Variants in NEO1 observed in about 807,000 individuals in gnomAD.
NEO1 encodes the protein neogenin.
Under a neutral mutation model 159.7 loss-of-function variants are expected in NEO1, and 63 were observed. The ratio of observed to expected loss-of-function variants is 0.39; its 90% confidence interval spans 0.32 to 0.49. NEO1 has a LOEUF of 0.49. Ranked by LOEUF, NEO1 falls within the 20% of genes least tolerant of loss-of-function variation. The pLI is 0.85. For synonymous variants in NEO1, 633 were observed against 662.0 expected, an observed-to-expected ratio of 0.96 and a Z score of 0.67; for missense variants, 1,615 against 1,831.0, an observed-to-expected ratio of 0.88 and a Z score of 2.15.
At position 73,254,835 on chromosome 15, in the gene NEO1, CT is replaced by C. The variant is rs1480342739; in HGVS notation, c.2092+7del. On this transcript the variant is annotated splice_region_variant and intron_variant, in intron 13 of 28. Transcript: ENST00000261908. ...GCTGTCTCAGCTGATTGAAGGTAAG[CT>C]ACCGTGCACAAAGGCAAAAGGTACA... 2 of 1,609,690 alleles carry C rather than the reference CT, an allele frequency of 1.2e-6. No individual in the cohort carries two copies. The highest frequency in any genetic ancestry group is 1.7e-6 in the Non-Finnish European group (2 of 1,178,540).
intron 1 of NEO1, among the ~76,000 whole-genome samples, chr15:73,084,621 A>G (rs922766216): frequency 2.6e-5 from 4 of 152,148 alleles, no homozygotes; most frequent in African/African-American, 9.7e-5. Context: ...AGGTGAAGAT[A>G]TCTCTTTGAT....
At chr15:73,214,838 G>A (rs2037785117) in intron 7 of NEO1, among the ~76,000 whole-genome samples, 1 of 151,994 alleles carries the variant, frequency 6.6e-6, no homozygotes, top group East Asian at 1.9e-4. Context: ...TTTTGAATGG[G>A]GATTGCATTG....
chr15:73,057,496 G>A (rs2067764872), intron 1 of NEO1, among the ~76,000 whole-genome samples: 1 of 152,186 alleles, frequency 6.6e-6, no homozygotes, highest in Non-Finnish European at 1.5e-5. Flanking sequence ...CAGAGGAAAT[G>A]ACTGTAGGTA....
chr15:73,133,642 A>T (rs1219442120), intron 4 of NEO1, among the ~76,000 whole-genome samples: 1 of 152,184 alleles, frequency 6.6e-6, no homozygotes, highest in African/African-American at 2.4e-5. Context: ...CTACTCAGGG[A>T]TACCTTATGC....
At chr15:73,059,368 A>G (rs2067868779) in intron 1 of NEO1, among the ~76,000 whole-genome samples, 1 of 152,226 alleles carries the variant, frequency 6.6e-6, no homozygotes, top group Admixed American at 6.5e-5. Flanking sequence ...CCTTTTTTAA[A>G]GAACCATTAG....
rs1343939976 is a variant in NEO1 at position 73,258,847 on chromosome 15, C to T, written c.2174C>T (p.Ser725Phe). 2 of 1,613,868 alleles carry T rather than the reference C, an allele frequency of 1.2e-6. No individual in the cohort carries two copies. Among genetic ancestry groups the T allele is most frequent in the Non-Finnish European group, 1.7e-6 (2 of 1,179,836 alleles). ...NGTGPATDWL[S>F]AETFESDLDE... The stretch of plus-strand genomic sequence containing the variant: ...ACAGGCCCGGCAACTGACTGGCTGT[C>T]TGCTGAAACTTTTGAAAGTGACCTA... Residue 725 changes from serine to phenylalanine, a missense_variant, in exon 14 of 29, where the codon TCT becomes TTT. Coordinates refer to ENST00000261908, the MANE Select transcript of NEO1 (RefSeq NM_002499.4).
chr15:73,295,868 C>T (rs1034130912), intron 26 of NEO1, among the ~76,000 whole-genome samples: 2 of 152,222 alleles, frequency 1.3e-5, no homozygotes, highest in Admixed American at 1.3e-4. Context: ...TGTCCAATCA[C>T]TTGGCCAGTG....
At chr15:73,197,551 A>G (rs1402681378) in intron 7 of NEO1, among the ~76,000 whole-genome samples, 1 of 152,232 alleles carries the variant, frequency 6.6e-6, no homozygotes, top group East Asian at 1.9e-4. Flanking sequence ...GATTGCAGAG[A>G]TGTTAAAATA....
intron 1 of NEO1, among the ~76,000 whole-genome samples, chr15:73,062,455 G>A (rs2068025354): frequency 6.6e-6 from 1 of 152,086 alleles, no homozygotes; most frequent in South Asian, 2.1e-4. Context: ...GCTGCTTGTG[G>A]TTCTTAACTT....
chr15:73,203,558 T>A (rs1213450772), intron 7 of NEO1, among the ~76,000 whole-genome samples: 1 of 152,154 alleles, frequency 6.6e-6, no homozygotes, highest in Admixed American at 6.5e-5. Context: ...TCTCCCTCTT[T>A]TTCTGCCTTC....
At chr15:73,212,948 A>G (rs1044480246) in intron 7 of NEO1, among the ~76,000 whole-genome samples, 2 of 152,238 alleles carry the variant, frequency 1.3e-5, no homozygotes, top group African/African-American at 4.8e-5. Context: ...ATTTATGTGT[A>G]TATAAAAGTG....
chr15:73,074,335 A>G (rs2068670823), intron 1 of NEO1, among the ~76,000 whole-genome samples: 2 of 152,172 alleles, frequency 1.3e-5, no homozygotes, highest in African/African-American at 4.8e-5. Context: ...TAGTTTATTT[A>G]TCAAGATTAG....
At chr15:73,148,758 T>C (rs890028074) in intron 5 of NEO1, among the ~76,000 whole-genome samples, 2 of 152,140 alleles carry the variant, frequency 1.3e-5, no homozygotes, top group Admixed American at 6.5e-5. Context: ...TTCTACTTTT[T>C]CCCAGTCCCT....
intron 11 of NEO1, among the ~76,000 whole-genome samples, chr15:73,252,556 G>A (rs1239122959): frequency 6.6e-6 from 1 of 152,136 alleles, no homozygotes; most frequent in Non-Finnish European, 1.5e-5. Flanking sequence ...TTCAAAACCA[G>A]CTTAGAAACT....
rs115315314 is a variant in NEO1, at chr15:73,286,228, C to T, written c.3411-2085C>T. Among the ~76,000 whole-genome samples, 1,467 of 152,286 alleles carry T rather than the reference C, an allele frequency of 9.6e-3. 31 individuals carry two copies. The highest frequency in any genetic ancestry group is 0.034 in the African/African-American group (1,399 of 41,540). Reference sequence around the variant, plus strand: ...AATCTTTATTCTGCCCCTACCACTTCACCAGAATTGCTTTTGTGGAGGTCA... The same window carrying T: ...AATCTTTATTCTGCCCCTACCACTTTACCAGAATTGCTTTTGTGGAGGTCA... On this transcript the variant is annotated intron_variant, in intron 23 of 28. Coordinates refer to ENST00000261908, the MANE Select transcript of NEO1 (RefSeq NM_002499.4).
chr15:73,191,128 T>C (rs1304267933), intron 7 of NEO1, among the ~76,000 whole-genome samples: 1 of 152,088 alleles, frequency 6.6e-6, no homozygotes, highest in Non-Finnish European at 1.5e-5. Flanking sequence ...ACTCGTATAA[T>C]GAAACAAACC....
chr15:73,211,282 G>T (rs1342344599), intron 7 of NEO1, among the ~76,000 whole-genome samples: 2 of 152,174 alleles, frequency 1.3e-5, no homozygotes, highest in African/African-American at 4.8e-5. Context: ...GAAAACAAAT[G>T]GGATGAGCCC....
chr15:73,216,326 C>A (rs1453526572), intron 7 of NEO1, among the ~76,000 whole-genome samples: 1 of 152,116 alleles, frequency 6.6e-6, no homozygotes, highest in Admixed American at 6.5e-5. Context: ...TTAATCCAGT[C>A]TATCATTGTT....
intron 1 of NEO1, among the ~76,000 whole-genome samples, chr15:73,065,879 G>A (rs1170927650): frequency 6.6e-6 from 1 of 152,028 alleles, no homozygotes; most frequent in Non-Finnish European, 1.5e-5. Flanking sequence ...CTATAGATTT[G>A]TAGCTTGTCT....
Sources: allele counts gnomAD v4.1 joint callset (sites outside exome capture counted in the v4.1 genomes callset), GRCh38; gene constraint gnomAD v4.1.1; transcripts MANE v1.5; gene names NCBI Gene and HGNC (gene_info 2026-07-23, HGNC 2026-07-21).